Variants in NRXN1 observed in about 807,000 individuals in gnomAD.
The protein encoded by NRXN1 is neurexin-1.
Under a neutral mutation model 150.9 loss-of-function variants are expected in NRXN1, and 39 were observed. That is an observed-to-expected ratio of 0.26 (90% CI 0.20 to 0.34). NRXN1 has a LOEUF of 0.34. Among genes scored for constraint, NRXN1 ranks in the 10% least tolerant of loss-of-function variants. The pLI is 1.00. For missense variants in NRXN1, 1,815 were observed against 1,949.9 expected (o/e 0.93, Z 1.30); for synonymous variants, 924 against 757.0 (o/e 1.22, Z -3.62).
chr2:50,515,863 C>A (rs2092616583), intron 12 of NRXN1, among the ~76,000 whole-genome samples: 1 of 152,160 alleles, frequency 6.6e-6, no homozygotes, highest in Middle Eastern at 3.4e-3. Flanking sequence ...TAGTTGCTGG[C>A]AGCAGTACTT....
At chr2:49,928,967 T>A (rs1320840213) in intron 22 of NRXN1, among the ~76,000 whole-genome samples, 1 of 152,134 alleles carries the variant, frequency 6.6e-6, no homozygotes, top group Non-Finnish European at 1.5e-5. Flanking sequence ...CATCGGAGAT[T>A]TAGAAAGAAC....
intron 17 of NRXN1, among the ~76,000 whole-genome samples, chr2:50,387,480 A>C (rs949000218): frequency 2.0e-5 from 3 of 152,184 alleles, no homozygotes; most frequent in Non-Finnish European, 4.4e-5. Context: ...AGTCAGTTTC[A>C]TTATGTCTCC....
At chr2:50,540,989 A>G (rs1233756218) in intron 9 of NRXN1, among the ~76,000 whole-genome samples, 1 of 152,064 alleles carries the variant, frequency 6.6e-6, no homozygotes. Context: ...AATAAAAGAG[A>G]GAAGGATTCT....
rs116410841 is a variant in NRXN1, at chr2:50,441,438, A to T, written c.3364+24004T>A. 4.1e-3 allele frequency among the ~76,000 whole-genome samples: 628 copies of T among 152,304 alleles called. 5 individuals carry two copies. Among genetic ancestry groups the T allele is most frequent in the African/African-American group, 0.014 (593 of 41,562 alleles). Reference sequence around the variant, plus strand: ...AAAAAAATTATACAACTTTCCATTGACACGGAACATTTAACAAGGTTTACT... The same window carrying T: ...AAAAAAATTATACAACTTTCCATTGTCACGGAACATTTAACAAGGTTTACT... On this transcript the variant is annotated intron_variant, in intron 17 of 22. Coordinates refer to ENST00000401669, the MANE Select transcript of NRXN1 (RefSeq NM_001330078.2).
intron 17 of NRXN1, among the ~76,000 whole-genome samples, chr2:50,362,564 C>G (rs1254834183): frequency 6.6e-6 from 1 of 152,112 alleles, no homozygotes; most frequent in African/African-American, 2.4e-5. Flanking sequence ...TCAAGGAGAA[C>G]TACAAACCAA....
chr2:50,186,747 G>C (rs988020568), intron 18 of NRXN1, among the ~76,000 whole-genome samples: 1 of 151,454 alleles, frequency 6.6e-6, no homozygotes, highest in African/African-American at 2.4e-5. Context: ...AATTTGTGAG[G>C]GTATAATATT....
chr2:50,009,715 A>C (rs745854275), intron 21 of NRXN1, among the ~76,000 whole-genome samples: 6 of 152,178 alleles, frequency 3.9e-5, no homozygotes, highest in Non-Finnish European at 8.8e-5. Context: ...TACAATCATA[A>C]TAGTCGCCTG....
intron 8 of NRXN1, among the ~76,000 whole-genome samples, chr2:50,554,116 TAG>T (rs1317809605): frequency 6.6e-6 from 1 of 152,152 alleles, no homozygotes; most frequent in African/African-American, 2.4e-5. Flanking sequence ...CCAACATTGC[TAG>T]ACTCTAGATT....
At chr2:50,263,652 G>C (rs938521948) in intron 17 of NRXN1, among the ~76,000 whole-genome samples, 1 of 152,018 alleles carries the variant, frequency 6.6e-6, no homozygotes, top group Non-Finnish European at 1.5e-5. Context: ...GACCACTGAA[G>C]GTGAAGGAAA....
At chr2:50,612,353 T>C (rs1016228174) in intron 8 of NRXN1, among the ~76,000 whole-genome samples, 3 of 152,142 alleles carry the variant, frequency 2.0e-5, no homozygotes, top group Admixed American at 2.0e-4. Context: ...AAAGACAAAA[T>C]ACCAGAAATC....
chr2:50,954,281 A>G (rs1188743713), intron 2 of NRXN1, among the ~76,000 whole-genome samples: 1 of 152,172 alleles, frequency 6.6e-6, no homozygotes, highest in Non-Finnish European at 1.5e-5. Flanking sequence ...GCTTTAATAC[A>G]ATTATTTTAA....
At chr2:50,762,014 G>A (rs927920710) in intron 5 of NRXN1, among the ~76,000 whole-genome samples, 3 of 151,656 alleles carry the variant, frequency 2.0e-5, no homozygotes, top group Admixed American at 6.6e-5. Context: ...TTTGGGACTC[G>A]GACTGGCTTC....
chr2:50,406,951 A>G (rs964779160), intron 17 of NRXN1, among the ~76,000 whole-genome samples: 1 of 152,280 alleles, frequency 6.6e-6, no homozygotes, highest in South Asian at 2.1e-4. Context: ...GAAAAACCTC[A>G]ACTCACAGCT....
At chr2:50,080,873 A>G (rs1393991971) in intron 19 of NRXN1, among the ~76,000 whole-genome samples, 1 of 152,164 alleles carries the variant, frequency 6.6e-6, no homozygotes, top group Non-Finnish European at 1.5e-5. Context: ...ATGTTTAATT[A>G]GGGGAGGAGG....
rs530591575 is a variant in NRXN1, at chr2:50,105,034, C to T, written c.3547-13540G>A. 2.6e-4 allele frequency among the ~76,000 whole-genome samples: 39 copies of T among 152,144 alleles called. No individual in the cohort carries two copies. In the South Asian group the frequency reaches 8.1e-3, roughly 32 times the overall value. On this transcript the variant is annotated intron_variant, in intron 18 of 22. Coordinates refer to ENST00000401669, the MANE Select transcript of NRXN1 (RefSeq NM_001330078.2). The stretch of plus-strand genomic sequence containing the variant: ...TTCTGAAGTCACGCAGCTAAAACAT[C>T]AATCTAGTTACATTCAATCCAGGTC...
At chr2:49,948,284 C>G (rs1356132153) in intron 21 of NRXN1, among the ~76,000 whole-genome samples, 2 of 152,018 alleles carry the variant, frequency 1.3e-5, no homozygotes, top group African/African-American at 4.8e-5. Flanking sequence ...CTACACTAAC[C>G]AGAACGTGTG....
chr2:50,392,781 A>G (rs892380505), intron 17 of NRXN1, among the ~76,000 whole-genome samples: 2 of 152,098 alleles, frequency 1.3e-5, no homozygotes, highest in Non-Finnish European at 2.9e-5. Context: ...CCTGAAAGCT[A>G]TATCAGGACT....
chr2:50,827,522 A>G (rs1670620429), intron 5 of NRXN1, among the ~76,000 whole-genome samples: 1 of 150,546 alleles, frequency 6.6e-6, no homozygotes, highest in Non-Finnish European at 1.5e-5. Context: ...AGAACAAAGT[A>G]AACTCTTTTA....
chr2:50,321,393 C>T (rs186040822), intron 17 of NRXN1, among the ~76,000 whole-genome samples: 19 of 152,206 alleles, frequency 1.2e-4, no homozygotes, highest in Admixed American at 1.2e-3. Flanking sequence ...AAGTGATATT[C>T]ACTCACTGGG....
Sources: allele counts gnomAD v4.1 joint callset (sites outside exome capture counted in the v4.1 genomes callset), GRCh38; gene constraint gnomAD v4.1.1; transcripts MANE v1.5; gene names NCBI Gene and HGNC (gene_info 2026-07-23, HGNC 2026-07-21).